The following FBXW4 variants were observed in gnomAD, a reference collection of about 807,000 sequenced individuals.
FBXW4 encodes the protein F-box/WD repeat-containing protein 4.
A neutral mutation model predicts 61.8 loss-of-function variants in FBXW4; 40 were observed. The observed-to-expected ratio is 0.65, with a 90% confidence interval of 0.50 to 0.84. The LOEUF is 0.84. FBXW4 is among the 40% of genes least tolerant of loss of function. FBXW4 has a pLI of 0.00. For synonymous variants in FBXW4, 311 were observed against 313.8 expected, an observed-to-expected ratio of 0.99 and a Z score of 0.10; for missense variants, 672 against 753.8, an observed-to-expected ratio of 0.89 and a Z score of 1.27.
At chr10:101,647,357 G>A (rs2064109384) in intron 5 of FBXW4, among the ~76,000 whole-genome samples, 2 of 152,176 alleles carry the variant, frequency 1.3e-5, no homozygotes, top group Non-Finnish European at 2.9e-5. Flanking sequence ...ATGAGGGGAG[G>A]AACTACTTGC....
At position 101,694,287 on chromosome 10, in the gene FBXW4, ACGACC is replaced by A; in HGVS notation, c.725+89_725+93del. 1 of 1,201,160 alleles carries A rather than the reference ACGACC, an allele frequency of 8.3e-7. No individual in the cohort carries two copies. The highest frequency in any genetic ancestry group is 1.1e-6 in the Non-Finnish European group (1 of 934,906). 74.4% of individuals were successfully genotyped at this position (1,201,160 alleles called of 1,614,324 possible). A position where few individuals can be genotyped will look rare whatever the true frequency, so the allele number is the denominator to read the frequency against. ...TAGGCCTAGAAACTCGGGGTGCGAC[ACGACC>A]CTGGGCCGACCAGGCCGCGGCGCCC... is the stretch of plus-strand genomic sequence containing the variant. On this transcript the variant is annotated intron_variant, in intron 1 of 8. Coordinates refer to ENST00000331272, the MANE Select transcript of FBXW4 (RefSeq NM_022039.4). This position sits in a 1 kb window ranked among gnomAD's most constrained non-coding sequence, Gnocchi z 6.0.
At chr10:101,619,010 A>T (rs1270863307) in intron 6 of FBXW4, among the ~76,000 whole-genome samples, 1 of 152,134 alleles carries the variant, frequency 6.6e-6, no homozygotes, top group African/African-American at 2.4e-5. Context: ...GACAGTCAAC[A>T]CAAGGCACCT....
At chr10:101,668,051 G>A (rs548783414) in intron 4 of FBXW4, 71 bp from the exon 5 acceptor site, 3 of 1,184,598 alleles carry the variant, frequency 2.5e-6, no homozygotes, top group Admixed American at 1.7e-5. Flanking sequence ...TGCTCCGGGA[G>A]AGGTGACTGT....
chr10:101,668,474 GGAA>G (rs1191756437), intron 4 of FBXW4, among the ~76,000 whole-genome samples: 4 of 152,160 alleles, frequency 2.6e-5, no homozygotes, highest in Admixed American at 6.5e-5. Flanking sequence ...AGGAAAGAAT[GGAA>G]GAAGAAGAGA....
Position 101,611,577 on chromosome 10 carries a change from C to T in FBXW4, c.1584+51G>A, listed in dbSNP as rs766323576. 2.3e-5 allele frequency: 37 copies of T among 1,604,350 alleles called. No homozygotes were observed. The highest frequency in any genetic ancestry group is 3.1e-5 in the Non-Finnish European group (36 of 1,173,328). On this transcript the variant is annotated intron_variant, in intron 8 of 8. Transcript: ENST00000331272. The surrounding 1 kb of genome is among the most constrained non-coding windows in gnomAD (Gnocchi z 4.9). The stretch of plus-strand genomic sequence containing the variant: ...TACCTCACCCTCTCCCAAATGCAGC[C>T]CATAATCATGAGTCCTGGCATGCTG...
At chr10:101,652,523 C>T (rs1004612524) in intron 5 of FBXW4, among the ~76,000 whole-genome samples, 63 of 148,438 alleles carry the variant, frequency 4.2e-4, no homozygotes, top group African/African-American at 1.5e-3. Context: ...CCAAAGTAGG[C>T]AACCCTCAAG....
intron 5 of FBXW4, among the ~76,000 whole-genome samples, chr10:101,639,745 T>C (rs1165711276): frequency 6.6e-6 from 1 of 152,106 alleles, no homozygotes; most frequent in Admixed American, 6.6e-5. Flanking sequence ...CTGGTCAGCT[T>C]GGAGAAAGGA....
intron 5 of FBXW4, among the ~76,000 whole-genome samples, chr10:101,644,293 T>TG (rs2064078380): frequency 6.6e-6 from 1 of 151,844 alleles, no homozygotes; most frequent in African/African-American, 2.4e-5. Flanking sequence ...GCAGGACTGG[T>TG]GGGGGCAGCT....
At chr10:101,623,577 C>A (rs187389683) in intron 6 of FBXW4, among the ~76,000 whole-genome samples, 1 of 152,302 alleles carries the variant, frequency 6.6e-6, no homozygotes, top group Non-Finnish European at 1.5e-5. Context: ...AGCATTTGTA[C>A]TCCTTGGCAT....
intron 5 of FBXW4, among the ~76,000 whole-genome samples, chr10:101,649,332 C>T (rs918398257): frequency 3.9e-5 from 6 of 152,186 alleles, no homozygotes; most frequent in African/African-American, 1.4e-4. Flanking sequence ...TTCTACAATC[C>T]GGGAGCCCCA....
chr10:101,644,910 C>G (rs1195908107), intron 5 of FBXW4, among the ~76,000 whole-genome samples: 4 of 152,140 alleles, frequency 2.6e-5, no homozygotes, highest in African/African-American at 9.7e-5. Context: ...CTCTGACAGC[C>G]TAGGTGAGCT....
intron 5 of FBXW4, among the ~76,000 whole-genome samples, chr10:101,662,320 C>T (rs528941708): frequency 7.9e-5 from 12 of 152,252 alleles, no homozygotes; most frequent in African/African-American, 1.9e-4. Flanking sequence ...TCCTTCCAGA[C>T]GCTCCCTCAC....
intron 1 of FBXW4, among the ~76,000 whole-genome samples, chr10:101,692,867 A>G (rs2134928808): frequency 6.6e-6 from 1 of 152,278 alleles, no homozygotes; most frequent in Non-Finnish European, 1.5e-5. Context: ...AAAAATCACA[A>G]AAGACTGGCA....
chr10:101,691,892 T>C (rs1042521457), intron 1 of FBXW4, among the ~76,000 whole-genome samples: 3 of 152,118 alleles, frequency 2.0e-5, no homozygotes, highest in Admixed American at 6.6e-5. Context: ...TAAAAAACCA[T>C]CAAATTCAAA....
intron 5 of FBXW4, among the ~76,000 whole-genome samples, chr10:101,638,033 G>C (rs935142046): frequency 6.6e-6 from 1 of 152,170 alleles, no homozygotes; most frequent in Non-Finnish European, 1.5e-5. Context: ...CGGTCTAACT[G>C]GAAGGCAATG....
chr10:101,685,981 TAG>T (rs796460507), intron 1 of FBXW4, among the ~76,000 whole-genome samples: 54 of 151,232 alleles, frequency 3.6e-4, no homozygotes, highest in African/African-American at 1.3e-3. Flanking sequence ...ATTCTTATTC[TAG>T]AGAGGCTCAA....
intron 1 of FBXW4, chr10:101,676,711 G>GAAAAAAAAAAAAA (rs56232127): frequency 2.8e-4 from 18 of 64,756 alleles, no homozygotes; most frequent in South Asian, 9.1e-4. Context: ...TCCAGATTGG[G>GAAAAAAAAAAAAA]AAAAAAAAAA....
chr10:101,663,866 C>A (rs562338102), intron 5 of FBXW4, among the ~76,000 whole-genome samples: 1 of 152,326 alleles, frequency 6.6e-6, no homozygotes, highest in South Asian at 2.1e-4. Context: ...GGTGAGACCT[C>A]CTCTACAGGA....
chr10:101,694,408 G>T lies in FBXW4; in HGVS notation c.698C>A (p.Ser233Tyr). The T allele has an allele frequency of 6.7e-7, 1 of 1,501,144 alleles. No homozygotes were observed. The highest frequency in any genetic ancestry group is 8.8e-7 in the Non-Finnish European group (1 of 1,137,430). The allele number at this position is 1,501,144 out of a possible 1,614,324, so 93.0% of individuals were successfully genotyped here. A position where few individuals can be genotyped will look rare whatever the true frequency, so the allele number is the denominator to read the frequency against. ...GTCGGTGCCGAGCCGCGTGAAGCCG[G>T]AGTTGAGCGAGGCCCGGGCTATCCG... The part of the protein sequence containing the change: ...WRRIARASLN[S>Y]GFTRLGTDLM... The change falls in exon 1 of 9, where the codon TCC (serine) becomes TAC (tyrosine). Residue 233 changes from serine to tyrosine, a missense_variant. By Grantham distance (144) the Ser-to-Tyr change is moderately radical (BLOSUM62 -2). This residue lies in a region of FBXW4 where 311 missense variants were observed against 301.1 expected (regional missense o/e 1.03). Transcript: ENST00000331272. This position sits in a 1 kb window ranked among gnomAD's most constrained non-coding sequence, Gnocchi z 6.0.
Sources: allele counts gnomAD v4.1 joint callset (sites outside exome capture counted in the v4.1 genomes callset), GRCh38; gene constraint gnomAD v4.1.1; regional missense constraint gnomAD v4.1.1; non-coding constraint Gnocchi (gnomAD v3.1); transcripts MANE v1.5; gene names NCBI Gene and HGNC (gene_info 2026-07-23, HGNC 2026-07-21).